KCNIP3: variants seen among roughly 807,000 people sequenced by gnomAD.
KCNIP3 encodes the protein calsenilin.
KCNIP3 carries 28 observed loss-of-function variants against 35.0 expected under a neutral mutation model. That is an observed-to-expected ratio of 0.80 (90% CI 0.59 to 1.10). The LOEUF is 1.10. KCNIP3 is among the 50% of genes least tolerant of loss of function. KCNIP3 has a pLI of 0.00. For synonymous variants in KCNIP3, 134 were observed against 133.8 expected (o/e 1.00, Z -0.01); for missense variants, 295 against 338.4 (o/e 0.87, Z 1.01).
chr2:95,324,649 AC>A (rs1231309252), intron 2 of KCNIP3, among the ~76,000 whole-genome samples: 4 of 152,030 alleles, frequency 2.6e-5, no homozygotes, highest in Non-Finnish European at 5.9e-5. Context: ...ATGGTGGCTC[AC>A]GCCTGTAATC....
At chr2:95,345,277 C>G (rs1302527174) in intron 2 of KCNIP3, among the ~76,000 whole-genome samples, 1 of 152,246 alleles carries the variant, frequency 6.6e-6, no homozygotes, top group East Asian at 1.9e-4. Context: ...GTGCCCCTCA[C>G]GTAATTAGCC....
chr2:95,369,507 G>A (rs1390019854), intron 2 of KCNIP3, among the ~76,000 whole-genome samples: 1 of 152,138 alleles, frequency 6.6e-6, no homozygotes, highest in Non-Finnish European at 1.5e-5. Context: ...GAATTTGTGT[G>A]TGAAGACTTG....
At chr2:95,366,652 T>C (rs1679925188) in intron 2 of KCNIP3, among the ~76,000 whole-genome samples, 1 of 152,154 alleles carries the variant, frequency 6.6e-6, no homozygotes, top group African/African-American at 2.4e-5. Flanking sequence ...CAACATATAG[T>C]GGTTCCCGTC....
chr2:95,350,926 A>C (rs1292997126), intron 2 of KCNIP3, among the ~76,000 whole-genome samples: 2 of 152,188 alleles, frequency 1.3e-5, no homozygotes, highest in South Asian at 4.1e-4. Context: ...GAGTCACTGC[A>C]GCCACTTCTC....
chr2:95,373,583 T>C (rs941214171), intron 2 of KCNIP3, among the ~76,000 whole-genome samples: 4 of 151,966 alleles, frequency 2.6e-5, no homozygotes, highest in African/African-American at 9.7e-5. Context: ...CCACCATGCC[T>C]GGCTAATTTT....
At chr2:95,315,646 C>T (rs534150119) in intron 2 of KCNIP3, among the ~76,000 whole-genome samples, 1 of 152,370 alleles carries the variant, frequency 6.6e-6, no homozygotes, top group Admixed American at 6.5e-5. Flanking sequence ...AGGAAGATGT[C>T]CCTTCTCCAC....
chr2:95,373,868 C>G (rs1454815943), intron 2 of KCNIP3, among the ~76,000 whole-genome samples: 1 of 152,264 alleles, frequency 6.6e-6, no homozygotes, highest in Admixed American at 6.5e-5. Context: ...GAGGCACCCT[C>G]TCCATTCCTG....
intron 2 of KCNIP3, among the ~76,000 whole-genome samples, chr2:95,345,692 G>A (rs1679334682): frequency 6.6e-6 from 1 of 152,236 alleles, no homozygotes; most frequent in Non-Finnish European, 1.5e-5. Context: ...TGCCCACAGT[G>A]CGCCGCGCCC....
chr2:95,359,228 C>G (rs571999396), intron 2 of KCNIP3, among the ~76,000 whole-genome samples: 1 of 152,254 alleles, frequency 6.6e-6, no homozygotes, highest in East Asian at 1.9e-4. Flanking sequence ...GGGTGAGACT[C>G]AAGGCATGAT....
chr2:95,298,429 A>G (rs1677933439), intron 1 of KCNIP3, among the ~76,000 whole-genome samples: 1 of 152,190 alleles, frequency 6.6e-6, no homozygotes, highest in African/African-American at 2.4e-5. Flanking sequence ...TCCAGCCAGC[A>G]CACATGGGCT....
intron 5 of KCNIP3, among the ~76,000 whole-genome samples, chr2:95,379,397 G>A (rs544886895): frequency 6.6e-6 from 1 of 152,300 alleles, no homozygotes; most frequent in African/African-American, 2.4e-5. Flanking sequence ...ATCTGAACCT[G>A]TTGCCCGGCA....
At chr2:95,369,052 C>CT (rs201615706) in intron 2 of KCNIP3, among the ~76,000 whole-genome samples, 1 of 151,996 alleles carries the variant, frequency 6.6e-6, no homozygotes, top group African/African-American at 2.4e-5. Context: ...GACCTTTTTT[C>CT]TTGGGGGGGA....
At chr2:95,325,665 T>G (rs1196480306) in intron 2 of KCNIP3, among the ~76,000 whole-genome samples, 3 of 133,642 alleles carry the variant, frequency 2.2e-5, no homozygotes, top group Admixed American at 8.0e-5. Flanking sequence ...AGATACACAC[T>G]CATACACATA....
chr2:95,326,894 T>C (rs1268974825), intron 2 of KCNIP3, among the ~76,000 whole-genome samples: 2 of 152,196 alleles, frequency 1.3e-5, no homozygotes, highest in Non-Finnish European at 2.9e-5. Context: ...AGGGCACTCA[T>C]GCGTGGGGCC....
At chr2:95,372,775 G>A (rs536534638) in intron 2 of KCNIP3, among the ~76,000 whole-genome samples, 2 of 152,218 alleles carry the variant, frequency 1.3e-5, no homozygotes, top group Admixed American at 6.5e-5. Flanking sequence ...CAACCTGAGG[G>A]TAAGGATGGG....
At chr2:95,362,265 C>T (rs1406457793) in intron 2 of KCNIP3, among the ~76,000 whole-genome samples, 1 of 152,144 alleles carries the variant, frequency 6.6e-6, no homozygotes, top group East Asian at 1.9e-4. Context: ...CACCACTATG[C>T]CCGGCTAATT....
chr2:95,371,594 C>T (rs1447844716), intron 2 of KCNIP3, among the ~76,000 whole-genome samples: 1 of 152,052 alleles, frequency 6.6e-6, no homozygotes, highest in Non-Finnish European at 1.5e-5. Flanking sequence ...CTTGTCATAC[C>T]ATTTACTGGA....
intron 2 of KCNIP3, among the ~76,000 whole-genome samples, chr2:95,373,017 C>T (rs1259046856): frequency 1.3e-5 from 2 of 152,172 alleles, no homozygotes; most frequent in African/African-American, 4.8e-5. Context: ...CCAGGCACCA[C>T]GGGCACAGGA....
At chr2:95,363,346 C>T (rs1019229361) in intron 2 of KCNIP3, among the ~76,000 whole-genome samples, 2 of 152,138 alleles carry the variant, frequency 1.3e-5, no homozygotes, top group Non-Finnish European at 2.9e-5. Flanking sequence ...TCCAGTTTTC[C>T]TAACACCATC....
Sources: allele counts gnomAD v4.1 joint callset (sites outside exome capture counted in the v4.1 genomes callset), GRCh38; gene constraint gnomAD v4.1.1; transcripts MANE v1.5; gene names NCBI Gene and HGNC (gene_info 2026-07-23, HGNC 2026-07-21).